Variants in NUDT19 observed in about 807,000 individuals in gnomAD.
NUDT19 encodes the protein acyl-coenzyme A diphosphatase NUDT19.
NUDT19 carries 31 observed loss-of-function variants against 22.2 expected under a neutral mutation model. The observed-to-expected ratio is 1.40, with a 90% CI of 1.05 to 1.89. The LOEUF is 1.89. Ranked by LOEUF, NUDT19 falls within the 40% of genes most tolerant of loss-of-function variation. NUDT19 has a pLI of 0.00. For synonymous variants in NUDT19, 325 were observed against 230.8 expected (o/e 1.41, Z -3.70); for missense variants, 752 against 514.2 (o/e 1.46, Z -4.47).
intron 1 of NUDT19, among the ~76,000 whole-genome samples, chr19:32,706,438 C>A (rs370022286): frequency 1.4e-4 from 21 of 152,284 alleles, no homozygotes; most frequent in African/African-American, 5.1e-4. Context: ...TAATCCCAAC[C>A]CCTTGGGGGC....
chr19:32,709,489 C>A, intron 2 of NUDT19, 97 bp downstream of exon 2: 1 of 957,622 alleles, frequency 1.0e-6, no homozygotes, highest in Non-Finnish European at 1.7e-6. Context: ...GAATTACAGT[C>A]TGTGTTTTGT....
chr19:32,692,799 C>A, intron 1 of NUDT19, 125 bp downstream of exon 1: 1 of 650,878 alleles, frequency 1.5e-6, no homozygotes, highest in East Asian at 3.3e-5. Context: ...CAGCAAGGAA[C>A]GCTTAGACGG....
Position 32,692,187 on chromosome 19 carries a change from G to A in NUDT19, c.227G>A (p.Trp76Ter), listed in dbSNP as rs369719214. 1.1e-4 allele frequency: 173 copies of A among 1,565,864 alleles called. No individual in the cohort carries two copies. The African/African-American group carries it at 2.1e-3, about 19-fold the overall frequency. ...VLDAADRSAD[W>*]LGLFAPHHGP... ...GATGCGGCCGACCGCTCGGCGGACT[G>A]GCTGGGCCTCTTCGCGCCGCACCAC... The change falls in exon 1 of 3, where the codon TGG becomes TAG. Residue 76 changes from tryptophan (W) to a stop codon, truncating the protein, a stop_gained. Transcript: ENST00000397061. LOFTEE classifies it high-confidence loss of function.
intron 2 of NUDT19, among the ~76,000 whole-genome samples, chr19:32,711,230 G>A (rs1030037320): frequency 7.9e-5 from 12 of 152,104 alleles, no homozygotes; most frequent in African/African-American, 2.7e-4. Flanking sequence ...TTGGGAGGCC[G>A]AGGTGGGTGA....
chr19:32,693,308 G>A (rs181321086), intron 1 of NUDT19, among the ~76,000 whole-genome samples: 5 of 152,252 alleles, frequency 3.3e-5, no homozygotes, highest in African/African-American at 7.2e-5. Context: ...GCAGACCTTC[G>A]CAGTGAGTGT....
intron 1 of NUDT19, among the ~76,000 whole-genome samples, chr19:32,704,458 C>T (rs772808315): frequency 2.6e-5 from 4 of 152,040 alleles, no homozygotes; most frequent in African/African-American, 4.8e-5. Flanking sequence ...GACGGGGTTT[C>T]GCCATGTTGG....
chr19:32,710,436 A>C (rs1033603688), intron 2 of NUDT19, among the ~76,000 whole-genome samples: 12 of 151,362 alleles, frequency 7.9e-5, no homozygotes, highest in Admixed American at 6.6e-4. Context: ...AAAAAAAAAA[A>C]AACAAATTAG....
At chr19:32,696,532 A>G (rs1599796869) in intron 1 of NUDT19, among the ~76,000 whole-genome samples, 1 of 152,114 alleles carries the variant, frequency 6.6e-6, no homozygotes, top group African/African-American at 2.4e-5. Flanking sequence ...GTTCCTTCCA[A>G]TGCCCAGACT....
intron 1 of NUDT19, among the ~76,000 whole-genome samples, chr19:32,695,751 G>A (rs552268293): frequency 6.6e-6 from 1 of 152,318 alleles, no homozygotes; most frequent in African/African-American, 2.4e-5. Flanking sequence ...GTATTTAATG[G>A]GGGTTCCCCC....
rs1968420830 is a variant in NUDT19, at chr19:32,709,276, A to T, written c.806A>T (p.Asn269Ile). 4 of 1,614,116 alleles carry T rather than the reference A, an allele frequency of 2.5e-6. No homozygotes were observed. Among genetic ancestry groups the T allele is most frequent in the African/African-American group, 1.3e-5 (1 of 75,034 alleles). ...PQFYEVRRLA[N>I]FASLSDLHKF... is the part of the protein sequence containing the mutation. ...TTCTACGAAGTGAGAAGACTTGCAAACTTTGCCTCTCTCTCTGACTTGCAC... is the reference window on the plus strand; with the variant it reads ...TTCTACGAAGTGAGAAGACTTGCAATCTTTGCCTCTCTCTCTGACTTGCAC... Residue 269 changes from asparagine (N) to isoleucine (I), a missense_variant, in exon 2 of 3, where the codon AAC (asparagine) becomes ATC (isoleucine). Coordinates refer to ENST00000397061, the MANE Select transcript of NUDT19 (RefSeq NM_001105570.2).
chr19:32,697,811 T>G (rs577371274), intron 1 of NUDT19, among the ~76,000 whole-genome samples: 1 of 152,274 alleles, frequency 6.6e-6, no homozygotes, highest in East Asian at 1.9e-4. Context: ...CTGTAGGACA[T>G]CTGTATACCT....
intron 1 of NUDT19, among the ~76,000 whole-genome samples, chr19:32,704,280 TA>T (rs900204455): frequency 9.2e-5 from 14 of 151,854 alleles, no homozygotes; most frequent in African/African-American, 3.1e-4. Flanking sequence ...TTTTTTTTTT[TA>T]GACAGAGTCT....
At chr19:32,704,091 AC>A (rs1968362972) in intron 1 of NUDT19, among the ~76,000 whole-genome samples, 2 of 152,134 alleles carry the variant, frequency 1.3e-5, no homozygotes, top group South Asian at 4.1e-4. Context: ...GAATCCTCTA[AC>A]TTTTGCTTGC....
intron 2 of NUDT19, among the ~76,000 whole-genome samples, chr19:32,710,589 G>A (rs974642992): frequency 6.7e-6 from 1 of 150,056 alleles, no homozygotes; most frequent in Non-Finnish European, 1.5e-5. Context: ...GACACTCTCT[G>A]TCAAAAACAA....
Position 32,692,433 on chromosome 19 carries a change from TG to T in NUDT19, c.475del (p.Glu159SerfsTer106). ...PGPAPGPGLA[L>X]EPPPGLASWR... ...CCAGCACCCGGGCCTGGCCTCGCCC[TG>T]GAGCCACCGCCGGGCCTGGCCTCCT... On this transcript the variant is annotated frameshift_variant, in exon 1 of 3. Transcript: ENST00000397061. LOFTEE classifies it high-confidence loss of function. The T allele has an allele frequency of 6.4e-7, 1 of 1,551,536 alleles. No individual in the cohort carries two copies. Among genetic ancestry groups the T allele is most frequent in the African/African-American group, 1.4e-5 (1 of 71,772 alleles).
Position 32,691,992 on chromosome 19 carries a change from GCTGGCGGCGGGCGGCCAGCATCGTC to G in NUDT19, c.41_65del (p.Arg14LeufsTer101). On this transcript the variant is annotated frameshift_variant, in exon 1 of 3. Transcript: ENST00000397061. LOFTEE classifies it high-confidence loss of function. ...AGCTCCCTGCGGCCGGGCCCCAGCC[GCTGGCGGCGGGCGGCCAGCATCGTC>G]CTGGCGGCTGGCTGGTCGCGCCCGG... 1.6e-6 allele frequency: 2 copies of G among 1,235,256 alleles called. No homozygotes were observed. Among genetic ancestry groups the G allele is most frequent in the Non-Finnish European group, 2.0e-6 (2 of 991,702 alleles). The allele number at this position is 1,235,256 out of a possible 1,614,324, so 76.5% of individuals were successfully genotyped here. A position where few individuals can be genotyped will look rare whatever the true frequency, so the allele number is the denominator to read the frequency against.
In NUDT19 at chr19:32,691,852, C is replaced by CGTCCTCAAT. The variant is rs1968183518; in HGVS notation, c.-108_-100dup. On this transcript the variant is annotated 5_prime_UTR_variant, in exon 1 of 3. The change creates a new upstream start codon in the 5' untranslated region. Transcript: ENST00000397061. ...CCAGGTTCACCCAACGCCAGAGGCT[C>CGTCCTCAAT]GTCCTCAATTCCCGCGAGGCCCCCG... The CGTCCTCAAT allele has an allele frequency of 3.6e-6, 2 of 550,022 alleles. No homozygotes were observed. The highest frequency in any genetic ancestry group is 9.5e-5 in the Admixed American group (2 of 21,146). The allele number at this position is 550,022 out of a possible 1,614,324, so 34.1% of individuals were successfully genotyped here.
intron 1 of NUDT19, among the ~76,000 whole-genome samples, chr19:32,695,975 C>T (rs1184712337): frequency 6.6e-6 from 1 of 152,198 alleles, no homozygotes; most frequent in Middle Eastern, 3.2e-3. Context: ...CATAACCTGC[C>T]CTTCGTATCC....
At chr19:32,693,025 T>G (rs1968219474) in intron 1 of NUDT19, among the ~76,000 whole-genome samples, 1 of 152,210 alleles carries the variant, frequency 6.6e-6, no homozygotes, top group African/African-American at 2.4e-5. Context: ...TGATCCAGTC[T>G]TCCTATTTTT....
Sources: gnomAD v4.1 joint callset for allele counts (sites outside exome capture counted in the v4.1 genomes callset) on GRCh38, gnomAD v4.1.1 for gene constraint, MANE v1.5 for transcripts, NCBI Gene and HGNC (gene_info 2026-07-23, HGNC 2026-07-21) for gene names.